RIMS1: variants seen among roughly 807,000 people sequenced by gnomAD.
The protein encoded by RIMS1 is regulating synaptic membrane exocytosis protein 1.
In RIMS1, 83 loss-of-function variants were observed where a neutral mutation model predicts 214.1. That is an observed-to-expected ratio of 0.39 (90% CI 0.32 to 0.47). The LOEUF (loss-of-function observed/expected upper bound fraction) is 0.47, where lower values mean the gene tolerates loss of function less well. Ranked by LOEUF, RIMS1 falls within the 20% of genes least tolerant of loss-of-function variation. The pLI, the probability that RIMS1 is intolerant of heterozygous loss-of-function variation, is 0.99. For missense variants in RIMS1, 2,050 were observed against 2,161.8 expected (o/e 0.95, Z 1.03); for synonymous variants, 793 against 786.8 (o/e 1.01, Z -0.13).
At chr6:72,092,765 A>C (rs1836641805) in intron 2 of RIMS1, among the ~76,000 whole-genome samples, 1 of 152,006 alleles carries the variant, frequency 6.6e-6, no homozygotes, top group African/African-American at 2.4e-5. Flanking sequence ...CCTCTGGGAG[A>C]AGAACATGGT....
intron 4 of RIMS1, among the ~76,000 whole-genome samples, chr6:72,177,754 C>T (rs1270439688): frequency 6.6e-6 from 1 of 152,150 alleles, no homozygotes; most frequent in Non-Finnish European, 1.5e-5. Flanking sequence ...TCCCACCACA[C>T]ACGTCCTGTC....
intron 1 of RIMS1, among the ~76,000 whole-genome samples, chr6:71,901,607 C>T (rs1275610417): frequency 1.3e-5 from 2 of 151,942 alleles, no homozygotes; most frequent in East Asian, 3.9e-4. Flanking sequence ...GTAGGCTCCT[C>T]TATGGTGGCA....
At chr6:72,111,188 GTCTT>G (rs2036011472) in intron 4 of RIMS1, among the ~76,000 whole-genome samples, 1 of 152,138 alleles carries the variant, frequency 6.6e-6, no homozygotes, top group South Asian at 2.1e-4. Flanking sequence ...CTGTAGGCAT[GTCTT>G]TCTTTATCCT....
intron 24 of RIMS1, among the ~76,000 whole-genome samples, chr6:72,285,031 G>T (rs2091808179): frequency 6.6e-6 from 1 of 152,112 alleles, no homozygotes; most frequent in African/African-American, 2.4e-5. Context: ...TTGGGGAAAT[G>T]GTACCAGTTT....
intron 4 of RIMS1, among the ~76,000 whole-genome samples, chr6:72,154,105 G>A (rs541012363): frequency 1.1e-4 from 16 of 152,004 alleles, no homozygotes; most frequent in African/African-American, 2.7e-4. Flanking sequence ...ATACACACAC[G>A]CACGCACTCA....
At chr6:72,084,463 A>G (rs1397858479) in intron 2 of RIMS1, among the ~76,000 whole-genome samples, 1 of 152,194 alleles carries the variant, frequency 6.6e-6, no homozygotes, top group Admixed American at 6.5e-5. Context: ...TTTCAGTTTC[A>G]GACCTCTGAT....
chr6:72,345,096 C>T (rs2154361609), intron 29 of RIMS1, among the ~76,000 whole-genome samples: 1 of 151,828 alleles, frequency 6.6e-6, no homozygotes, highest in East Asian at 1.9e-4. Flanking sequence ...TGTCACAAAA[C>T]ATTTCAGGCA....
chr6:71,967,757 G>A (rs932191231), intron 1 of RIMS1, among the ~76,000 whole-genome samples: 2 of 152,158 alleles, frequency 1.3e-5, no homozygotes, highest in African/African-American at 2.4e-5. Flanking sequence ...TTTTGAAATA[G>A]CACCGTTTTC....
chr6:72,227,668 A>C (rs1167808802), intron 6 of RIMS1, among the ~76,000 whole-genome samples: 1 of 151,988 alleles, frequency 6.6e-6, no homozygotes, highest in Admixed American at 6.6e-5. Flanking sequence ...TCCTAAAATT[A>C]TAAAACATAA....
At chr6:72,367,799 C>T (rs567735393) in intron 29 of RIMS1, among the ~76,000 whole-genome samples, 2 of 152,282 alleles carry the variant, frequency 1.3e-5, no homozygotes, top group South Asian at 4.1e-4. Flanking sequence ...TCTAAAAGAA[C>T]TGTCAATCAA....
At chr6:72,077,866 A>G (rs1281974449) in intron 2 of RIMS1, among the ~76,000 whole-genome samples, 1 of 152,184 alleles carries the variant, frequency 6.6e-6, no homozygotes, top group African/African-American at 2.4e-5. Context: ...GCCCTTACTT[A>G]GGGGATGCTG....
At chr6:72,320,039 C>T (rs919922086) in intron 28 of RIMS1, among the ~76,000 whole-genome samples, 5 of 152,088 alleles carry the variant, frequency 3.3e-5, no homozygotes, top group African/African-American at 9.7e-5. Flanking sequence ...ACGGCTAACA[C>T]ATAATATAGT....
intron 1 of RIMS1, among the ~76,000 whole-genome samples, chr6:71,940,936 T>C (rs1480170215): frequency 6.6e-6 from 1 of 152,134 alleles, no homozygotes; most frequent in African/African-American, 2.4e-5. Flanking sequence ...AAGTTTATAA[T>C]TGCAAGGTTT....
At chr6:72,221,641 GAGTT>G (rs1322095040) in intron 6 of RIMS1, among the ~76,000 whole-genome samples, 24 of 152,002 alleles carry the variant, frequency 1.6e-4, no homozygotes, top group Admixed American at 1.4e-3. Context: ...AACTGAGGTT[GAGTT>G]TAGGAGGTGC....
chr6:72,336,289 A>C (rs575321823), intron 29 of RIMS1, among the ~76,000 whole-genome samples: 1 of 151,932 alleles, frequency 6.6e-6, no homozygotes, highest in Non-Finnish European at 1.5e-5. Flanking sequence ...GTAATTTTGC[A>C]TAAAAACTAT....
chr6:71,924,088 A>G (rs1236439955), intron 1 of RIMS1, among the ~76,000 whole-genome samples: 2 of 152,094 alleles, frequency 1.3e-5, no homozygotes, highest in Non-Finnish European at 2.9e-5. Flanking sequence ...GTTTTGTCTT[A>G]TTAGGCACTT....
chr6:72,097,243 CT>C, intron 3 of RIMS1, 81 bp downstream of exon 3: 1 of 1,228,058 alleles, frequency 8.1e-7, no homozygotes, highest in Non-Finnish European at 1.2e-6. Context: ...ACACGTGCAT[CT>C]TAGAAAGCAG....
intron 2 of RIMS1, among the ~76,000 whole-genome samples, chr6:72,091,688 A>G (rs1241014943): frequency 6.6e-6 from 1 of 152,196 alleles, no homozygotes; most frequent in South Asian, 2.1e-4. Flanking sequence ...CAATTATTAT[A>G]TAGTGAAACA....
At chr6:72,225,363 G>A (rs1053195420) in intron 6 of RIMS1, among the ~76,000 whole-genome samples, 2 of 151,932 alleles carry the variant, frequency 1.3e-5, no homozygotes, top group East Asian at 1.9e-4. Context: ...ATCACTAAAA[G>A]CATGTATCCA....
Sources: gnomAD v4.1 joint callset for allele counts (sites outside exome capture counted in the v4.1 genomes callset) on GRCh38, gnomAD v4.1.1 for gene constraint, MANE v1.5 for transcripts, NCBI Gene and HGNC (gene_info 2026-07-23, HGNC 2026-07-21) for gene names.